SEPTIN9: variants seen among roughly 807,000 people sequenced by gnomAD.
The protein encoded by SEPTIN9 is septin 9, also known as septin-9.
SEPTIN9 carries 13 observed loss-of-function variants against 56.6 expected under a neutral mutation model. That is an observed-to-expected ratio of 0.23 (90% CI 0.15 to 0.37). The LOEUF (loss-of-function observed/expected upper bound fraction) is 0.37. SEPTIN9 is among the 10% of genes least tolerant of loss of function. SEPTIN9 has a pLI of 1.00. For synonymous variants in SEPTIN9, 332 were observed against 334.1 expected (o/e 0.99, Z 0.07); for missense variants, 650 against 823.1 (o/e 0.79, Z 2.57).
In SEPTIN9 at chr17:77,329,738, C is replaced by T. The variant is rs1458056029; in HGVS notation, c.76+22541C>T. The stretch of plus-strand genomic sequence containing the variant: ...GACTGCTGTCCACCGTCCCACCATC[C>T]TTCAGGTTTCTTCCCAGCCTCTGAC... On this transcript the variant is annotated intron_variant, in intron 2 of 11. Coordinates refer to ENST00000427177, the MANE Select transcript of SEPTIN9 (RefSeq NM_001113491.2). The surrounding 1 kb of genome is among the most constrained non-coding windows in gnomAD (Gnocchi z 4.3). Among the ~76,000 whole-genome samples, 1 of 152,214 alleles carries T rather than the reference C, an allele frequency of 6.6e-6. No individual in the cohort carries two copies. Among genetic ancestry groups the T allele is most frequent in the Non-Finnish European group, 1.5e-5 (1 of 68,034 alleles).
intron 3 of SEPTIN9, among the ~76,000 whole-genome samples, chr17:77,416,721 T>A (rs1438901158): frequency 6.6e-6 from 1 of 152,336 alleles, no homozygotes; most frequent in Admixed American, 6.5e-5. Context: ...GCAGCCCTGC[T>A]GGGTGGCAGG....
intron 2 of SEPTIN9, among the ~76,000 whole-genome samples, chr17:77,312,101 G>A (rs2032518709): frequency 6.6e-6 from 1 of 152,136 alleles, no homozygotes; most frequent in African/African-American, 2.4e-5. Flanking sequence ...CCCGGTCACG[G>A]TCATGTCTTG....
At position 77,310,470 on chromosome 17, in the gene SEPTIN9, T is replaced by G. The variant is rs1005128860; in HGVS notation, c.76+3273T>G. ...ATCCACGAAGCCTTGGTTCACTTAT[T>G]TTGGCAGCTAGCGAGTGTTCCTCTG... On this transcript the variant is annotated intron_variant, in intron 2 of 11. Coordinates refer to ENST00000427177, the MANE Select transcript of SEPTIN9 (RefSeq NM_001113491.2). The surrounding 1 kb of genome is among the most constrained non-coding windows in gnomAD (Gnocchi z 4.7). Among the ~76,000 whole-genome samples, 1 of 145,496 alleles carries G rather than the reference T, an allele frequency of 6.9e-6. No individual in the cohort carries two copies. The highest frequency in any genetic ancestry group is 6.8e-5 in the Admixed American group (1 of 14,662).
intron 3 of SEPTIN9, among the ~76,000 whole-genome samples, chr17:77,479,922 A>AT (rs1292274770): frequency 6.6e-6 from 1 of 152,148 alleles, no homozygotes; most frequent in Non-Finnish European, 1.5e-5. Context: ...TGGCTTCAGG[A>AT]AGCGGCCCCA....
chr17:77,470,031 C>CCACTCATT (rs985660869), intron 3 of SEPTIN9, among the ~76,000 whole-genome samples: 2 of 150,440 alleles, frequency 1.3e-5, no homozygotes, highest in Admixed American at 6.6e-5. Flanking sequence ...ATCCACCTAT[C>CCACTCATT]CACTCATTCA....
At chr17:77,375,506 T>G (rs2034888742) in intron 2 of SEPTIN9, 1 of 152,258 alleles carries the variant, frequency 6.6e-6, no homozygotes, top group Admixed American at 6.5e-5. Context: ...CTTCCTTGGG[T>G]CTCTGGGTGT....
chr17:77,479,969 CTT>C (rs2039385743), intron 3 of SEPTIN9, among the ~76,000 whole-genome samples: 1 of 152,158 alleles, frequency 6.6e-6, no homozygotes, highest in Non-Finnish European at 1.5e-5. Context: ...AGGGCTGTGT[CTT>C]TGTTTATTTA....
rs1437029049 is a variant in SEPTIN9 at position 77,433,672 on chromosome 17, C to G, written c.721+30969C>G. Among the ~76,000 whole-genome samples, 1 of 152,168 alleles carries G rather than the reference C, an allele frequency of 6.6e-6. No individual in the cohort carries two copies. The highest frequency in any genetic ancestry group is 2.4e-5 in the African/African-American group (1 of 41,430). On this transcript the variant is annotated intron_variant, in intron 3 of 11. Transcript: ENST00000427177. This position sits in a 1 kb window ranked among gnomAD's most constrained non-coding sequence, Gnocchi z 6.4. ...GTGGCTGGATCTAGCTGCCCGTGGACAGGCTGTGAGTGAATCTGCAGAGGA... is the reference window on the plus strand; with the variant it reads ...GTGGCTGGATCTAGCTGCCCGTGGAGAGGCTGTGAGTGAATCTGCAGAGGA...
chr17:77,483,682 A>AGGAGAG (rs1182405850), intron 4 of SEPTIN9: 1 of 152,286 alleles, frequency 6.6e-6, no homozygotes, highest in Non-Finnish European at 1.5e-5. Context: ...TTTGGCCCCA[A>AGGAGAG]GGAGAGGGAG....
At chr17:77,340,793 G>A (rs1451354380) in intron 2 of SEPTIN9, among the ~76,000 whole-genome samples, 2 of 152,146 alleles carry the variant, frequency 1.3e-5, no homozygotes, top group Admixed American at 6.5e-5. Context: ...AGATCTTCTG[G>A]GTAACTTGCT....
intron 2 of SEPTIN9, among the ~76,000 whole-genome samples, chr17:77,338,753 G>A (rs1057387937): frequency 6.6e-6 from 1 of 152,178 alleles, no homozygotes; most frequent in African/African-American, 2.4e-5. Context: ...GACATGGGTT[G>A]ACTCTTTCTT....
At chr17:77,444,974 C>T (rs1387936151) in intron 3 of SEPTIN9, 1 of 367,484 alleles carries the variant, frequency 2.7e-6, no homozygotes, top group Admixed American at 3.9e-5. Flanking sequence ...GAACGTTCTC[C>T]CAGGCCAAGT....
chr17:77,430,812 G>A (rs963049971), intron 3 of SEPTIN9, among the ~76,000 whole-genome samples: 5 of 152,000 alleles, frequency 3.3e-5, no homozygotes, highest in Admixed American at 6.6e-5. Flanking sequence ...TCAACATGGC[G>A]AAACCCCATC....
intron 4 of SEPTIN9, chr17:77,483,932 A>G (rs1259081016): frequency 1.3e-5 from 2 of 152,356 alleles, no homozygotes; most frequent in Admixed American, 6.5e-5. Context: ...GCCCACCTGC[A>G]GAGGTGCAGG....
intron 2 of SEPTIN9, among the ~76,000 whole-genome samples, chr17:77,353,528 T>C (rs1439586276): frequency 6.6e-6 from 1 of 151,826 alleles, no homozygotes; most frequent in Non-Finnish European, 1.5e-5. Context: ...TGTTCAGGAG[T>C]GCATAGAAGG....
At chr17:77,446,792 T>A (rs1020251553) in intron 3 of SEPTIN9, 1 of 167,126 alleles carries the variant, frequency 6.0e-6, no homozygotes, top group Non-Finnish European at 1.5e-5. Context: ...CAGCCTACCC[T>A]AGGGGCCTGT....
At position 77,318,560 on chromosome 17, in the gene SEPTIN9, C is replaced by T. The variant is rs532532301; in HGVS notation, c.76+11363C>T. ...TCCCTTCCTCCCCAGCCTCCCACCT[C>T]GGCTGAGATGCTGTCCCCACCTCCC... On this transcript the variant is annotated intron_variant, in intron 2 of 11. Coordinates refer to ENST00000427177, the MANE Select transcript of SEPTIN9 (RefSeq NM_001113491.2). This position sits in a 1 kb window ranked among gnomAD's most constrained non-coding sequence, Gnocchi z 4.9. Among the ~76,000 whole-genome samples, 328 of 152,292 alleles carry T rather than the reference C, an allele frequency of 2.2e-3. 2 individuals carry two copies. Among genetic ancestry groups the T allele is most frequent in the Middle Eastern group, 3.4e-3 (1 of 294 alleles).
chr17:77,300,460 C>T (rs144592056), intron 1 of SEPTIN9, among the ~76,000 whole-genome samples: 317 of 152,252 alleles, frequency 2.1e-3, no homozygotes, highest in African/African-American at 7.3e-3. Flanking sequence ...CTCTTCAGGA[C>T]ACAACTCCAG....
At chr17:77,373,759 AC>A in intron 2 of SEPTIN9, 1 of 915,796 alleles carries the variant, frequency 1.1e-6, no homozygotes, top group Non-Finnish European at 1.5e-6. Context: ...TGTTAGGGGC[AC>A]CCGCGTAGAC....
Sources: gnomAD v4.1 joint callset for allele counts (sites outside exome capture counted in the v4.1 genomes callset) on GRCh38, gnomAD v4.1.1 for gene constraint, Gnocchi (gnomAD v3.1) non-coding constraint, MANE v1.5 for transcripts, NCBI Gene and HGNC (gene_info 2026-07-23, HGNC 2026-07-21) for gene names.